MAN1C1: variants seen among roughly 807,000 people sequenced by gnomAD.
The protein encoded by MAN1C1 is mannosyl-oligosaccharide 1,2-alpha-mannosidase IC.
Under a neutral mutation model 71.5 loss-of-function variants are expected in MAN1C1, and 49 were observed. The ratio of observed to expected loss-of-function variants is 0.69; its 90% CI spans 0.54 to 0.87. MAN1C1 has a LOEUF of 0.87. MAN1C1 is among the 40% of genes least tolerant of loss of function. The probability of loss-of-function intolerance (pLI) is 0.00; values close to 1 mark genes in which losing one functional copy is unlikely to be tolerated. For synonymous variants in MAN1C1, 352 were observed against 343.7 expected (o/e 1.02, Z -0.27); for missense variants, 743 against 835.0 (o/e 0.89, Z 1.36).
At chr1:25,647,022 A>G (rs1330531699) in intron 1 of MAN1C1, among the ~76,000 whole-genome samples, 1 of 151,878 alleles carries the variant, frequency 6.6e-6, no homozygotes, top group Non-Finnish European at 1.5e-5. Flanking sequence ...ACCGCTTTAC[A>G]CTCTCAATAG....
chr1:25,757,503 G>C (rs1231139389), intron 5 of MAN1C1, among the ~76,000 whole-genome samples: 1 of 4,006 alleles, frequency 2.5e-4, no homozygotes, highest in Non-Finnish European at 3.8e-4. Context: ...TGAGGCACGG[G>C]GGGGGGGGGC....
intron 2 of MAN1C1, among the ~76,000 whole-genome samples, chr1:25,740,537 T>C (rs930504292): frequency 2.0e-5 from 3 of 152,032 alleles, no homozygotes; most frequent in Non-Finnish European, 4.4e-5. Flanking sequence ...CCCGAGTTCA[T>C]GCCATTCTCC....
chr1:25,665,551 T>A (rs1436223282), intron 1 of MAN1C1, among the ~76,000 whole-genome samples: 1 of 152,160 alleles, frequency 6.6e-6, no homozygotes, highest in Non-Finnish European at 1.5e-5. Flanking sequence ...TACAGACCAA[T>A]CTCTGCCTCG....
intron 2 of MAN1C1, among the ~76,000 whole-genome samples, chr1:25,728,054 G>T (rs1391741678): frequency 6.6e-6 from 1 of 152,224 alleles, no homozygotes; most frequent in African/African-American, 2.4e-5. Flanking sequence ...ACTGCTTCCC[G>T]GGGCAGCTTC....
intron 7 of MAN1C1, among the ~76,000 whole-genome samples, chr1:25,768,803 G>C (rs12755181): frequency 0.38 from 32,298 of 85,848 alleles, 4,674 homozygotes; most frequent in African/African-American, 0.53. Context: ...TACACACACT[G>C]CGCTCACACA....
chr1:25,781,062 C>A lies in MAN1C1; in HGVS notation c.1600C>A (p.Arg534=). 1 of 1,614,100 alleles carries A rather than the reference C, an allele frequency of 6.2e-7. No individual in the cohort carries two copies. The highest frequency in any genetic ancestry group is 8.5e-7 in the Non-Finnish European group (1 of 1,180,022). ...GGTGGAGAGCTACATGTACCTGTGGCGACAGACCCACAACCCCATCTACAG... is the reference window on the plus strand; with the variant it reads ...GGTGGAGAGCTACATGTACCTGTGGAGACAGACCCACAACCCCATCTACAG... ...EVVESYMYLW[R]QTHNPIYREW... The change falls in exon 10 of 12, where the codon CGA becomes AGA. Residue 534 remains arginine (R), a synonymous_variant. Transcript: ENST00000374332.
intron 1 of MAN1C1, among the ~76,000 whole-genome samples, chr1:25,633,590 A>G (rs896605392): frequency 6.6e-6 from 1 of 150,620 alleles, no homozygotes; most frequent in Non-Finnish European, 1.5e-5. Flanking sequence ...AGATATAAGA[A>G]TAGTTATTCT....
Position 25,749,257 on chromosome 1 carries a change from C to T in MAN1C1, c.756C>T (p.Ser252=), listed in dbSNP as rs116009723. The T allele has an allele frequency of 1.8e-3, 2,965 of 1,611,306 alleles. 42 individuals are homozygous for T. In the African/African-American group the frequency reaches 0.032, roughly 17 times the overall value. The change falls in exon 4 of 12, where the codon AGC becomes AGT. Residue 252 remains serine, a splice_region_variant and synonymous_variant. Coordinates refer to ENST00000374332, the MANE Select transcript of MAN1C1 (RefSeq NM_020379.4). ...WVGESFHLNV[S]GEASLFEVNI... ...CCCTCCTTCTTTCTGTCCTGCAGAG[C>T]GGAGAAGCATCCTTGTTTGAGGTGA...
intron 1 of MAN1C1, among the ~76,000 whole-genome samples, chr1:25,676,834 T>C (rs1414881780): frequency 6.6e-6 from 1 of 152,128 alleles, no homozygotes; most frequent in African/African-American, 2.4e-5. Flanking sequence ...TGGGGGAGAA[T>C]GTCTCAATAT....
chr1:25,691,572 A>G (rs1283123944), intron 2 of MAN1C1, among the ~76,000 whole-genome samples: 1 of 152,242 alleles, frequency 6.6e-6, no homozygotes, highest in Non-Finnish European at 1.5e-5. Flanking sequence ...AGCTGCGATG[A>G]GGATGCTGCA....
chr1:25,730,624 G>A lies in MAN1C1; in HGVS notation c.638-16044G>A, dbSNP rs1018486185. ...AGAGCTGTCTCCTGGGCCGTGGCACGTTTGCTGCATTTGTGAATTGTTTGG... is the reference window on the plus strand; with the variant it reads ...AGAGCTGTCTCCTGGGCCGTGGCACATTTGCTGCATTTGTGAATTGTTTGG... On this transcript the variant is annotated intron_variant, in intron 2 of 11. Coordinates refer to ENST00000374332, the MANE Select transcript of MAN1C1 (RefSeq NM_020379.4). This position sits in a 1 kb window ranked among gnomAD's most constrained non-coding sequence, Gnocchi z 4.3. Among the ~76,000 whole-genome samples, 6 of 152,298 alleles carry A rather than the reference G, an allele frequency of 3.9e-5. No homozygotes were observed. Among genetic ancestry groups the A allele is most frequent in the South Asian group, 2.1e-4 (1 of 4,820 alleles).
In MAN1C1 at chr1:25,746,070, C is replaced by T. The variant is rs774112245; in HGVS notation, c.638-598C>T. The stretch of plus-strand genomic sequence containing the variant: ...CCTGTAATCCAGCACTTTGGGAGGC[C>T]GAAGTGGGTGGATCACTTGAGGCCA... On this transcript the variant is annotated intron_variant, in intron 2 of 11. Transcript: ENST00000374332. The surrounding 1 kb of genome is among the most constrained non-coding windows in gnomAD (Gnocchi z 4.0). Among the ~76,000 whole-genome samples the T allele has an allele frequency of 2.6e-5, 4 of 151,894 alleles. No homozygotes were observed. The highest frequency in any genetic ancestry group is 5.9e-5 in the Non-Finnish European group (4 of 67,986).
intron 7 of MAN1C1, among the ~76,000 whole-genome samples, chr1:25,768,336 TCA>T (rs560569254): frequency 8.2e-5 from 4 of 48,902 alleles, no homozygotes; most frequent in Non-Finnish European, 1.5e-4. Context: ...CACACTCCCC[TCA>T]CACACACCAC....
At position 25,746,039 on chromosome 1, in the gene MAN1C1, C is replaced by T. The variant is rs763158027; in HGVS notation, c.638-629C>T. Among the ~76,000 whole-genome samples the T allele has an allele frequency of 1.3e-5, 2 of 152,064 alleles. No homozygotes were observed. Among genetic ancestry groups the T allele is most frequent in the Non-Finnish European group, 2.9e-5 (2 of 68,024 alleles). ...CCAGGCTGGATGAGGTGGCTCACGG[C>T]TCACGCCTGTAATCCAGCACTTTGG... On this transcript the variant is annotated intron_variant, in intron 2 of 11. Transcript: ENST00000374332. The surrounding 1 kb of genome is among the most constrained non-coding windows in gnomAD (Gnocchi z 4.0).
At chr1:25,684,649 T>C (rs1199266263) in intron 1 of MAN1C1, among the ~76,000 whole-genome samples, 1 of 152,186 alleles carries the variant, frequency 6.6e-6, no homozygotes, top group Non-Finnish European at 1.5e-5. Flanking sequence ...GCTGCAGCAG[T>C]GAGAGTAGCT....
intron 6 of MAN1C1, among the ~76,000 whole-genome samples, chr1:25,762,441 CT>C (rs1317537859): frequency 3.1e-5 from 2 of 64,240 alleles, no homozygotes; most frequent in Non-Finnish European, 5.5e-5. Context: ...ACCACATTTT[CT>C]TTTCTTTTTT....
chr1:25,755,092 A>AG, intron 5 of MAN1C1, among the ~76,000 whole-genome samples: 1 of 152,162 alleles, frequency 6.6e-6, no homozygotes, highest in South Asian at 2.1e-4. Context: ...CCCCAACAGG[A>AG]GGGGGAAGAA....
intron 1 of MAN1C1, among the ~76,000 whole-genome samples, chr1:25,669,791 TAC>T (rs914269801): frequency 2.1e-4 from 32 of 152,012 alleles, no homozygotes; most frequent in Admixed American, 6.6e-5. Flanking sequence ...TCTCTAAAAA[TAC>T]ACAGATACAA....
chr1:25,682,762 G>C (rs1389473554), intron 1 of MAN1C1, among the ~76,000 whole-genome samples: 1 of 152,164 alleles, frequency 6.6e-6, no homozygotes, highest in African/African-American at 2.4e-5. Flanking sequence ...CACTGGCTGG[G>C]CACGGTGGCT....
Sources: gnomAD v4.1 joint callset for allele counts (sites outside exome capture counted in the v4.1 genomes callset) on GRCh38, gnomAD v4.1.1 for gene constraint, Gnocchi (gnomAD v3.1) non-coding constraint, MANE v1.5 for transcripts, NCBI Gene and HGNC (gene_info 2026-07-23, HGNC 2026-07-21) for gene names.